Variants in RIMS2 observed in about 807,000 individuals in gnomAD.
RIMS2 encodes regulating synaptic membrane exocytosis protein 2.
In RIMS2, 59 loss-of-function variants were observed where a neutral mutation model predicts 174.4. The ratio of observed to expected loss-of-function variants is 0.34; its 90% CI spans 0.27 to 0.42. The LOEUF is 0.42. Ranked by LOEUF, RIMS2 falls within the 10% of genes least tolerant of loss-of-function variation. RIMS2 has a pLI of 1.00. For missense variants in RIMS2, 1,620 were observed against 1,666.3 expected (o/e 0.97, Z 0.48); for synonymous variants, 606 against 572.5 (o/e 1.06, Z -0.84).
intron 19 of RIMS2, among the ~76,000 whole-genome samples, chr8:104,064,264 A>C (rs1253887721): frequency 6.6e-6 from 1 of 152,222 alleles, no homozygotes; most frequent in African/African-American, 2.4e-5. Flanking sequence ...AGAATATGTG[A>C]TATGATTTAA....
intron 19 of RIMS2, among the ~76,000 whole-genome samples, chr8:104,033,932 T>C (rs1450861949): frequency 6.6e-6 from 1 of 152,172 alleles, no homozygotes; most frequent in Non-Finnish European, 1.5e-5. Context: ...TTTGGAGTTA[T>C]TTCTCTTATG....
chr8:103,838,733 G>T (rs939762661), intron 3 of RIMS2, among the ~76,000 whole-genome samples: 5 of 151,952 alleles, frequency 3.3e-5, no homozygotes, highest in Non-Finnish European at 7.4e-5. Context: ...TATATTCTAC[G>T]CTTCTATTAT....
At chr8:103,828,128 A>G (rs573178908) in intron 3 of RIMS2, among the ~76,000 whole-genome samples, 2 of 152,006 alleles carry the variant, frequency 1.3e-5, no homozygotes, top group African/African-American at 4.8e-5. Flanking sequence ...TTTTGCATCT[A>G]TGTTCATGAG....
At chr8:103,906,946 T>C (rs891671356) in intron 4 of RIMS2, among the ~76,000 whole-genome samples, 1 of 152,202 alleles carries the variant, frequency 6.6e-6, no homozygotes, top group African/African-American at 2.4e-5. Context: ...ATATTGTAAT[T>C]ATTTGTGCCA....
intron 1 of RIMS2, among the ~76,000 whole-genome samples, chr8:103,622,055 C>A (rs1375130526): frequency 6.6e-6 from 1 of 151,882 alleles, no homozygotes; most frequent in East Asian, 1.9e-4. Context: ...TCATTAATTT[C>A]TAGAGATTTG....
chr8:103,740,917 G>C (rs1289872225), intron 2 of RIMS2, among the ~76,000 whole-genome samples: 2 of 151,770 alleles, frequency 1.3e-5, no homozygotes, highest in East Asian at 1.9e-4. Flanking sequence ...CTTCACAGCA[G>C]TTTATCCACA....
chr8:104,080,589 A>G (rs1382533422), intron 19 of RIMS2, among the ~76,000 whole-genome samples: 3 of 152,044 alleles, frequency 2.0e-5, no homozygotes, highest in African/African-American at 7.2e-5. Context: ...TTGAATTGAC[A>G]CTTGTGTAAA....
intron 2 of RIMS2, among the ~76,000 whole-genome samples, chr8:103,698,853 C>A (rs932584184): frequency 6.6e-6 from 1 of 152,034 alleles, no homozygotes; most frequent in Non-Finnish European, 1.5e-5. Context: ...TAATGTTTTT[C>A]TTTGGTTTTG....
In RIMS2 at chr8:103,734,102, T is replaced by A. The variant is rs1056252644; in HGVS notation, c.388-32125T>A. ...ATCTTTGCTCACTGCAACCTCCGCC[T>A]CCTGGGTTCAATCAATTCTCCTCCC... On this transcript the variant is annotated intron_variant, in intron 2 of 23. Coordinates refer to ENST00000504942, the Ensembl canonical transcript of RIMS2. Among the ~76,000 whole-genome samples, 12 of 139,510 alleles carry A rather than the reference T, an allele frequency of 8.6e-5. No individual in the cohort carries two copies. The Admixed American group carries it at 9.3e-4, about 11-fold the overall frequency. 91.5% of individuals were successfully genotyped at this position (139,510 alleles called of 152,430 possible).
chr8:103,915,615 A>G (rs759929848), intron 7 of RIMS2, 21 bp downstream of exon 10: 2 of 1,282,596 alleles, frequency 1.6e-6, no homozygotes, highest in Non-Finnish European at 2.2e-6. Context: ...ACCTTTGATT[A>G]TTTACATTTA....
At chr8:103,978,612 G>T (rs1002838230) in intron 16 of RIMS2, among the ~76,000 whole-genome samples, 1 of 152,148 alleles carries the variant, frequency 6.6e-6, no homozygotes, top group African/African-American at 2.4e-5. Context: ...TTGCCCTAAG[G>T]CATTATAAAA....
At chr8:104,209,163 TA>T (rs1222455544) in intron 19 of RIMS2, among the ~76,000 whole-genome samples, 1 of 152,222 alleles carries the variant, frequency 6.6e-6, no homozygotes, top group Non-Finnish European at 1.5e-5. Flanking sequence ...CACATTTCCC[TA>T]GATTTCAAAA....
At chr8:104,049,037 G>C (rs1232403765) in intron 19 of RIMS2, among the ~76,000 whole-genome samples, 1 of 151,500 alleles carries the variant, frequency 6.6e-6, no homozygotes, top group East Asian at 2.0e-4. Context: ...TCTTTTAATA[G>C]TAGAACTGGG....
chr8:104,204,112 C>A lies in RIMS2; in HGVS notation c.3335-40804C>A, dbSNP rs1390868613. Among the ~76,000 whole-genome samples, 5 of 152,180 alleles carry A rather than the reference C, an allele frequency of 3.3e-5. No individual in the cohort carries two copies. The South Asian group carries it at 8.3e-4, about 25-fold the overall frequency. ...AAAACACAGCAAAATAATTTTGGAACATAAATTTGCCCTGAGTACACTTGG... is the reference window on the plus strand; with the variant it reads ...AAAACACAGCAAAATAATTTTGGAAAATAAATTTGCCCTGAGTACACTTGG... On this transcript the variant is annotated intron_variant, in intron 19 of 23. Coordinates refer to ENST00000504942, the Ensembl canonical transcript of RIMS2.
At chr8:103,729,578 G>T (rs560572540) in intron 2 of RIMS2, among the ~76,000 whole-genome samples, 1 of 151,910 alleles carries the variant, frequency 6.6e-6, no homozygotes, top group South Asian at 2.1e-4. Context: ...TTTCTGCTAT[G>T]ATTTGTGTTA....
chr8:103,791,354 A>ACAGACAAG (rs2098497415), intron 3 of RIMS2, among the ~76,000 whole-genome samples: 1 of 152,314 alleles, frequency 6.6e-6, no homozygotes, highest in South Asian at 2.1e-4. Context: ...TAAATCCTTT[A>ACAGACAAG]CAGACAAGCA....
chr8:104,226,220 A>G (rs1325979792), intron 19 of RIMS2, among the ~76,000 whole-genome samples: 1 of 152,218 alleles, frequency 6.6e-6, no homozygotes, highest in Non-Finnish European at 1.5e-5. Context: ...AACCAGTATG[A>G]TTTAACCAGT....
chr8:103,811,448 A>G (rs1277717484), intron 3 of RIMS2, among the ~76,000 whole-genome samples: 1 of 152,002 alleles, frequency 6.6e-6, no homozygotes, highest in Non-Finnish European at 1.5e-5. Flanking sequence ...TAATTAAATT[A>G]ATTAATTTAT....
At chr8:103,793,782 C>T (rs2098524156) in intron 3 of RIMS2, among the ~76,000 whole-genome samples, 1 of 152,092 alleles carries the variant, frequency 6.6e-6, no homozygotes, top group East Asian at 1.9e-4. Flanking sequence ...TTCCTATACA[C>T]CAATAACAGA....
Sources: gnomAD v4.1 joint callset for allele counts (sites outside exome capture counted in the v4.1 genomes callset) on GRCh38, gnomAD v4.1.1 for gene constraint, MANE v1.5 for transcripts, NCBI Gene and HGNC (gene_info 2026-07-23, HGNC 2026-07-21) for gene names.